CELF2: variants seen among roughly 807,000 people sequenced by gnomAD.
CELF2 encodes the protein CUGBP Elav-like family member 2.
Under a neutral mutation model 62.6 loss-of-function variants are expected in CELF2, and 8 were observed. The observed-to-expected ratio is 0.13, with a 90% CI of 0.07 to 0.23. CELF2 has a LOEUF of 0.23. CELF2 is among the 10% of genes least tolerant of loss of function. CELF2 has a pLI of 1.00. For missense variants in CELF2, 333 were observed against 671.0 expected (o/e 0.50, Z 5.56); for synonymous variants, 258 against 250.0 (o/e 1.03, Z -0.30).
chr10:10,782,644 G>T, the CELF2 span, among the ~76,000 whole-genome samples: 1 of 152,128 alleles, frequency 6.6e-6, no homozygotes, highest in African/African-American at 2.4e-5. Context: ...AATCTTTATG[G>T]GAAGCTCACC....
chr10:10,565,834 G>T, the CELF2 span, among the ~76,000 whole-genome samples: 1 of 152,122 alleles, frequency 6.6e-6, no homozygotes, highest in African/African-American at 2.4e-5. Context: ...ATCTAATTTT[G>T]CATTTACTTT....
intron 1 of CELF2, among the ~76,000 whole-genome samples, chr10:11,066,136 G>A (rs953361409): frequency 5.3e-5 from 8 of 152,168 alleles, no homozygotes; most frequent in Non-Finnish European, 1.0e-4. Flanking sequence ...TCAGCAGTTA[G>A]GTTTTCCATG....
chr10:10,562,005 T>C, the CELF2 span, among the ~76,000 whole-genome samples: 1 of 152,190 alleles, frequency 6.6e-6, no homozygotes. Flanking sequence ...GCAAGGAAAA[T>C]GCAAGCTTTT....
intron 2 of CELF2, among the ~76,000 whole-genome samples, chr10:10,969,749 T>A (rs1296147840): frequency 2.6e-5 from 4 of 152,244 alleles, no homozygotes; most frequent in Admixed American, 2.6e-4. Context: ...GTGTGGTTAC[T>A]TGAGCTCTAT....
the CELF2 span, among the ~76,000 whole-genome samples, chr10:10,709,823 T>A: frequency 6.6e-6 from 1 of 152,212 alleles, no homozygotes; most frequent in East Asian, 1.9e-4. Flanking sequence ...TTGATTTCCC[T>A]CAGCTGGCAT....
chr10:11,150,341 C>A (rs1056895607), intron 1 of CELF2, among the ~76,000 whole-genome samples: 1 of 152,212 alleles, frequency 6.6e-6, no homozygotes, highest in African/African-American at 2.4e-5. Context: ...GCACTGCTAT[C>A]TAAACATGAA....
the CELF2 span, among the ~76,000 whole-genome samples, chr10:10,724,480 C>T: frequency 4.6e-5 from 7 of 151,714 alleles, no homozygotes; most frequent in African/African-American, 1.5e-4. Context: ...ATGATGAAAC[C>T]CCATCTCTAT....
At chr10:11,277,754 C>T (rs1394111698) in intron 8 of CELF2, among the ~76,000 whole-genome samples, 2 of 152,152 alleles carry the variant, frequency 1.3e-5, no homozygotes, top group Non-Finnish European at 2.9e-5. Context: ...CAGTAGAAAG[C>T]ATATGGTAGT....
chr10:10,853,848 C>T (rs571246670), intron 1 of CELF2, among the ~76,000 whole-genome samples: 5 of 151,896 alleles, frequency 3.3e-5, no homozygotes, highest in East Asian at 3.9e-4. Flanking sequence ...CAGAGGATGC[C>T]GGCTGGCCAG....
the CELF2 span, among the ~76,000 whole-genome samples, chr10:10,630,438 TG>T: frequency 6.6e-6 from 1 of 152,324 alleles, no homozygotes; most frequent in South Asian, 2.1e-4. Flanking sequence ...CAGAGACCAC[TG>T]GGATCTCTAT....
At chr10:10,657,403 T>C in the CELF2 span, among the ~76,000 whole-genome samples, 10 of 152,052 alleles carry the variant, frequency 6.6e-5, no homozygotes, top group East Asian at 1.9e-3. Flanking sequence ...TATATACATA[T>C]ATTTGCCATT....
chr10:11,166,934 C>T (rs1267806977), intron 2 of CELF2, among the ~76,000 whole-genome samples: 4 of 152,166 alleles, frequency 2.6e-5, no homozygotes, highest in African/African-American at 9.7e-5. Flanking sequence ...ACTGAAGAGC[C>T]CCTGGCCAGT....
In CELF2 at chr10:11,255,587, C is replaced by T. The variant is rs1465605801; in HGVS notation, c.404-2151C>T. Reference sequence around the variant, plus strand: ...AGTTTACAAGTATTGTGGAATCGTGCCTTTCAACTTGTATTCCTTGGAGCC... The same window carrying T: ...AGTTTACAAGTATTGTGGAATCGTGTCTTTCAACTTGTATTCCTTGGAGCC... On this transcript the variant is annotated intron_variant, in intron 4 of 12. Transcript: ENST00000633077. This position sits in a 1 kb window ranked among gnomAD's most constrained non-coding sequence, Gnocchi z 5.5. Among the ~76,000 whole-genome samples, 2 of 152,142 alleles carry T rather than the reference C, an allele frequency of 1.3e-5. No individual in the cohort carries two copies. Among genetic ancestry groups the T allele is most frequent in the African/African-American group, 4.8e-5 (2 of 41,426 alleles).
intron 1 of CELF2, among the ~76,000 whole-genome samples, chr10:11,155,653 T>A (rs1162549743): frequency 6.6e-6 from 1 of 152,240 alleles, no homozygotes; most frequent in Non-Finnish European, 1.5e-5. Context: ...TACACTTGAA[T>A]GTAATAAATA....
the CELF2 span, among the ~76,000 whole-genome samples, chr10:10,699,309 T>A: frequency 6.6e-6 from 1 of 152,238 alleles, no homozygotes; most frequent in South Asian, 2.1e-4. Flanking sequence ...CAGTAATTAT[T>A]CAATCAGGAT....
At chr10:11,033,405 G>A (rs1411571285) in intron 1 of CELF2, among the ~76,000 whole-genome samples, 1 of 151,996 alleles carries the variant, frequency 6.6e-6, no homozygotes, top group Non-Finnish European at 1.5e-5. Flanking sequence ...TTACAGGCAT[G>A]CGCCACCACA....
At chr10:10,788,583 C>T in the CELF2 span, among the ~76,000 whole-genome samples, 1 of 151,290 alleles carries the variant, frequency 6.6e-6, no homozygotes, top group Admixed American at 6.6e-5. Context: ...CTGCCTCTCC[C>T]TCCCAAGTAG....
At chr10:10,942,197 T>C (rs552380847) in intron 2 of CELF2, among the ~76,000 whole-genome samples, 2 of 152,294 alleles carry the variant, frequency 1.3e-5, no homozygotes, top group African/African-American at 4.8e-5. Context: ...TGGTTATCTG[T>C]TTATGTATAA....
At chr10:10,704,391 A>C in the CELF2 span, among the ~76,000 whole-genome samples, 1 of 152,270 alleles carries the variant, frequency 6.6e-6, no homozygotes, top group East Asian at 1.9e-4. Context: ...TGAATTAGGA[A>C]GTTTCTACAG....
Sources: gnomAD v4.1 joint callset for allele counts (sites outside exome capture counted in the v4.1 genomes callset) on GRCh38, gnomAD v4.1.1 for gene constraint, Gnocchi (gnomAD v3.1) non-coding constraint, MANE v1.5 for transcripts, NCBI Gene and HGNC (gene_info 2026-07-23, HGNC 2026-07-21) for gene names.